ANKRD31: variants seen among roughly 807,000 people sequenced by gnomAD.
The protein encoded by ANKRD31 is ankyrin repeat domain-containing protein 31.
In ANKRD31, 147 loss-of-function variants were observed where a neutral mutation model predicts 186.0. The observed-to-expected ratio is 0.79, with a 90% CI of 0.69 to 0.91. ANKRD31 has a LOEUF of 0.91. Among genes scored for constraint, ANKRD31 ranks in the 40% least tolerant of loss-of-function variants. The pLI is 0.00. For missense variants in ANKRD31, 1,986 were observed against 2,148.8 expected, an observed-to-expected ratio of 0.92 and a Z score of 1.50; for synonymous variants, 673 against 736.4, an observed-to-expected ratio of 0.91 and a Z score of 1.39.
intron 22 of ANKRD31, among the ~76,000 whole-genome samples, chr5:75,098,276 C>T (rs541877707): frequency 9.4e-4 from 143 of 152,138 alleles, no homozygotes; most frequent in East Asian, 1.7e-3. Context: ...CGTGAGCCAC[C>T]GTGCCCGGCC....
Position 75,146,278 on chromosome 5 carries a change from A to T in ANKRD31, c.3133T>A (p.Leu1045Ile). The change falls in exon 14 of 26, where the codon TTA (leucine) becomes ATA (isoleucine). Residue 1045 changes from leucine (L) to isoleucine (I), a missense_variant. Leu to Ile is a conservative substitution (Grantham distance 5). Coordinates refer to ENST00000506364, the MANE Select transcript of ANKRD31 (RefSeq NM_001372053.1). ...QDYIPRAPTF[L>I]MNQTDTHIVE... ...ATATGTGTATCTGTTTGATTCATTA[A>T]AAAAGTTGGTGCTCTGGGAATATAA... The T allele has an allele frequency of 6.5e-7, 1 of 1,536,538 alleles. No homozygotes were observed.
intron 20 of ANKRD31, among the ~76,000 whole-genome samples, chr5:75,108,913 A>G (rs578155108): frequency 2.0e-5 from 3 of 152,206 alleles, no homozygotes; most frequent in Non-Finnish European, 2.9e-5. Context: ...ATAGGTAAAA[A>G]TAACATACTA....
intron 10 of ANKRD31, among the ~76,000 whole-genome samples, chr5:75,169,519 G>C (rs1753167962): frequency 6.6e-6 from 1 of 152,086 alleles, no homozygotes; most frequent in Non-Finnish European, 1.5e-5. Flanking sequence ...CCAGCTGGCT[G>C]GACTACATAT....
intron 12 of ANKRD31, among the ~76,000 whole-genome samples, chr5:75,151,786 A>G (rs925318651): frequency 1.3e-5 from 2 of 152,004 alleles, no homozygotes; most frequent in Non-Finnish European, 2.9e-5. Flanking sequence ...TAGATATGTA[A>G]TATCTGTCCT....
intron 1 of ANKRD31, among the ~76,000 whole-genome samples, chr5:75,236,223 G>T (rs576098839): frequency 4.6e-5 from 7 of 152,154 alleles, no homozygotes; most frequent in Non-Finnish European, 8.8e-5. Flanking sequence ...ACTGAGCTAC[G>T]AGTCTCTTGA....
intron 17 of ANKRD31, among the ~76,000 whole-genome samples, chr5:75,122,871 G>T (rs970541773): frequency 2.0e-5 from 3 of 151,984 alleles, no homozygotes; most frequent in African/African-American, 7.3e-5. Flanking sequence ...CTAAGAACTA[G>T]AATAAGACAA....
At chr5:75,151,571 C>A (rs1751842530) in intron 12 of ANKRD31, among the ~76,000 whole-genome samples, 1 of 152,026 alleles carries the variant, frequency 6.6e-6, no homozygotes, top group African/African-American at 2.4e-5. Flanking sequence ...TTTCCTTAGG[C>A]CTCCCTAGTC....
At chr5:75,199,395 AAAGT>A (rs1755669908) in intron 6 of ANKRD31, among the ~76,000 whole-genome samples, 1 of 152,230 alleles carries the variant, frequency 6.6e-6, no homozygotes, top group African/African-American at 2.4e-5. Flanking sequence ...CTCTAGATAA[AAAGT>A]AAGAGACTTA....
rs1442031292 is a variant in ANKRD31 at position 75,193,445 on chromosome 5, G to A, written c.1164C>T (p.Ser388=). The change falls in exon 8 of 26, where the codon TCC becomes TCT. Residue 388 remains serine, a synonymous_variant. Coordinates refer to ENST00000506364, the MANE Select transcript of ANKRD31 (RefSeq NM_001372053.1). ...TGCTTACTTTCAGTTTTTCTAGTCT[G>A]GATGATCTCCTCAACACACACGCAG... The part of the protein sequence containing the change: ...QETACVLRRS[S]RLEKLKVSRD... The A allele has an allele frequency of 1.3e-6, 2 of 1,537,162 alleles. No homozygotes were observed. Among genetic ancestry groups the A allele is most frequent in the African/African-American group, 2.7e-5 (2 of 72,986 alleles).
chr5:75,207,170 T>C (rs1402524407), intron 4 of ANKRD31, among the ~76,000 whole-genome samples: 2 of 152,186 alleles, frequency 1.3e-5, no homozygotes, highest in Admixed American at 6.5e-5. Flanking sequence ...CAGTTTTTAA[T>C]GCAGTAGGCA....
Position 75,169,027 on chromosome 5 carries a change from T to A in ANKRD31, c.1659A>T (p.Leu553Phe). 6.5e-7 allele frequency: 1 copy of A among 1,536,696 alleles called. No individual in the cohort carries two copies. The highest frequency in any genetic ancestry group is 8.7e-7 in the Non-Finnish European group (1 of 1,146,448). Residue 553 changes from leucine (L) to phenylalanine (F), a missense_variant, in exon 11 of 26, where the codon TTA becomes TTT. Transcript: ENST00000506364. ...CATCATGTAGGGGAGTAATCTGGTA[T>A]AATCCTTTGATATTTACATCTGCTC... ...KGGADVNIKG[L>F]YQITPLHDAV...
At chr5:75,090,913 G>T (rs1745876462) in intron 23 of ANKRD31, among the ~76,000 whole-genome samples, 1 of 152,148 alleles carries the variant, frequency 6.6e-6, no homozygotes, top group African/African-American at 2.4e-5. Context: ...TACACCAGTG[G>T]TTCCAAATTT....
rs182732608 is a variant in ANKRD31 at position 75,111,235 on chromosome 5, A to G, written c.4243+1278T>C. Among the ~76,000 whole-genome samples, 281 of 152,068 alleles carry G rather than the reference A, an allele frequency of 1.8e-3. 1 individual carries two copies. Among genetic ancestry groups the G allele is most frequent in the Middle Eastern group, 0.01 (3 of 294 alleles). On this transcript the variant is annotated intron_variant, in intron 20 of 25. Transcript: ENST00000506364. ...AAAATGTGGGGAGGGGGGCCTGGAA[A>G]TAAAACAACAAAATATTGTGATGGG...
intron 12 of ANKRD31, among the ~76,000 whole-genome samples, chr5:75,149,082 G>C (rs1751683025): frequency 6.6e-6 from 1 of 151,846 alleles, no homozygotes; most frequent in Non-Finnish European, 1.5e-5. Flanking sequence ...AACATACACA[G>C]ATGGAAAAGG....
At chr5:75,143,315 G>C (rs919953952) in intron 15 of ANKRD31, among the ~76,000 whole-genome samples, 8 of 152,054 alleles carry the variant, frequency 5.3e-5, no homozygotes, top group African/African-American at 1.7e-4. Context: ...ACTATATAAG[G>C]TAATAGTCAC....
Position 75,146,822 on chromosome 5 carries a change from T to G in ANKRD31, c.2589A>C (p.Gln863His). 1.3e-6 allele frequency: 2 copies of G among 1,536,318 alleles called. No individual in the cohort carries two copies. The highest frequency in any genetic ancestry group is 2.4e-5 in the East Asian group (1 of 40,878). ...CATGAGATTTATAAAGTACATGGTG[T>G]TGTTCCTGGAGAGTGTGAGGCTGCT... ...TDKQPHTLQE[Q>H]HHVLYKSHEN... Residue 863 changes from glutamine to histidine, a missense_variant, in exon 14 of 26, where the codon CAA becomes CAC. Coordinates refer to ENST00000506364, the MANE Select transcript of ANKRD31 (RefSeq NM_001372053.1).
In ANKRD31 at chr5:75,231,993, G is replaced by C. The variant is rs78725488; in HGVS notation, c.105-1358C>G. Among the ~76,000 whole-genome samples, 1,219 of 150,990 alleles carry C rather than the reference G, an allele frequency of 8.1e-3. 27 individuals carry two copies. Among genetic ancestry groups the C allele is most frequent in the African/African-American group, 0.027 (1,128 of 41,184 alleles). The stretch of plus-strand genomic sequence containing the variant: ...GCATCAGAAAAGTTGGCAATGAAAA[G>C]GACTCTAATCCTTAACTTTTCTATT... On this transcript the variant is annotated intron_variant, in intron 1 of 25. Transcript: ENST00000506364.
intron 2 of ANKRD31, among the ~76,000 whole-genome samples, chr5:75,224,507 T>C (rs1402193740): frequency 6.6e-6 from 1 of 151,952 alleles, no homozygotes; most frequent in Non-Finnish European, 1.5e-5. Flanking sequence ...CACACATATA[T>C]ATGGAAATTT....
intron 4 of ANKRD31, among the ~76,000 whole-genome samples, chr5:75,207,466 C>CA (rs1271997942): frequency 1.3e-5 from 2 of 151,940 alleles, no homozygotes; most frequent in African/African-American, 4.8e-5. Context: ...TAAATTATTA[C>CA]AAATATTTAT....
Sources: allele counts gnomAD v4.1 joint callset (sites outside exome capture counted in the v4.1 genomes callset), GRCh38; gene constraint gnomAD v4.1.1; transcripts MANE v1.5; gene names NCBI Gene and HGNC (gene_info 2026-07-23, HGNC 2026-07-21).